USP2: variants seen among roughly 807,000 people sequenced by gnomAD.
The protein encoded by USP2 is ubiquitin carboxyl-terminal hydrolase 2.
USP2 carries 33 observed loss-of-function variants against 72.0 expected under a neutral mutation model. The observed-to-expected ratio is 0.46, with a 90% CI of 0.35 to 0.61. The LOEUF is 0.61. USP2 is among the 20% of genes least tolerant of loss of function. The pLI is 0.01. For missense variants in USP2, 691 were observed against 797.8 expected (o/e 0.87, Z 1.61); for synonymous variants, 296 against 312.5 (o/e 0.95, Z 0.56).
chr11:119,364,430 A>C (rs1232353996), intron 2 of USP2, among the ~76,000 whole-genome samples: 1 of 151,976 alleles, frequency 6.6e-6, no homozygotes, highest in African/African-American at 2.4e-5. Context: ...GCAGGACCGG[A>C]GCCCTGAGGC....
At position 119,357,525 on chromosome 11, in the gene USP2, G is replaced by C. The variant is rs1950687718; in HGVS notation, c.1567C>G (p.Leu523Val). ...SKLTTFVNFP[L>V]RDLDLREFAS... Reference sequence around the variant, plus strand: ...AATTCTCTTAAGTCCAGGTCTCTTAGGGGGAAGTTCACAAATGTTGTGAGC... The same window carrying C: ...AATTCTCTTAAGTCCAGGTCTCTTACGGGGAAGTTCACAAATGTTGTGAGC... The change falls in exon 11 of 13, where the codon CTA becomes GTA. Residue 523 changes from leucine to valine, a missense_variant. Transcript: ENST00000260187. The C allele has an allele frequency of 3.1e-6, 5 of 1,614,036 alleles. No homozygotes were observed. The South Asian group carries it at 4.4e-5, about 14-fold the overall frequency.
At chr11:119,379,987 T>A (rs1183688989) in intron 1 of USP2, among the ~76,000 whole-genome samples, 2 of 142,532 alleles carry the variant, frequency 1.4e-5, no homozygotes, top group Non-Finnish European at 3.0e-5. Context: ...CGATCTTGGC[T>A]CACTGCAAGC....
intron 2 of USP2, among the ~76,000 whole-genome samples, chr11:119,362,191 G>A (rs1486124099): frequency 1.3e-5 from 2 of 152,174 alleles, no homozygotes; most frequent in African/African-American, 4.8e-5. Flanking sequence ...GTCACTCAGT[G>A]CTAATGGGGG....
chr11:119,373,733 T>A (rs1317376269), intron 1 of USP2, among the ~76,000 whole-genome samples: 1 of 152,096 alleles, frequency 6.6e-6, no homozygotes, highest in Non-Finnish European at 1.5e-5. Context: ...GTGCGAGGGA[T>A]GAGGTGGCTT....
intron 12 of USP2, 119 bp from the exon 13 acceptor site, chr11:119,357,041 C>T (rs886345005): frequency 2.2e-6 from 3 of 1,376,644 alleles, no homozygotes; most frequent in South Asian, 1.3e-5. Flanking sequence ...CCACGGGCAG[C>T]GGCTTCGTGG....
chr11:119,356,945 G>T, intron 12 of USP2, 23 bp from the exon 13 acceptor site: 2 of 1,550,298 alleles, frequency 1.3e-6, no homozygotes, highest in Non-Finnish European at 1.7e-6. Flanking sequence ...CGGGGAGTCA[G>T]CCCGGAGCGG....
intron 2 of USP2, among the ~76,000 whole-genome samples, chr11:119,364,582 A>AAACC (rs1404523440): frequency 6.6e-6 from 1 of 152,218 alleles, no homozygotes; most frequent in Non-Finnish European, 1.5e-5. Context: ...AGGGGGCTGC[A>AAACC]AACCATTTTG....
chr11:119,357,692 A>T, intron 10 of USP2, 65 bp downstream of exon 10: 1 of 1,613,400 alleles, frequency 6.2e-7, no homozygotes, highest in Non-Finnish European at 8.5e-7. Context: ...CCCCTCACCT[A>T]TGGGCCCCTT....
chr11:119,359,480 A>C, intron 4 of USP2, 57 bp downstream of exon 4: 4 of 1,609,504 alleles, frequency 2.5e-6, no homozygotes, highest in Non-Finnish European at 3.4e-6. Context: ...GAACAGCCCC[A>C]GTGGAGTGGA....
At position 119,373,202 on chromosome 11, in the gene USP2, C is replaced by G. The variant is rs79464246; in HGVS notation, c.279G>C (p.Glu93Asp). Residue 93 changes from glutamate to aspartate, a missense_variant, in exon 2 of 13, where the codon GAG becomes GAC. By Grantham distance (45) the Glu-to-Asp change is conservative (BLOSUM62 2). Coordinates refer to ENST00000260187, the MANE Select transcript of USP2 (RefSeq NM_004205.5). ...GCCGCTCAGTACCCCGGGTCTGGCT[C>G]TCTGCCCGCTTACCACCCCCAGTGA... Reference protein sequence around the residue: ...PDITGGGKRAESQTRGTERPL... With the variant: ...PDITGGGKRADSQTRGTERPL... The G allele has an allele frequency of 1.9e-6, 3 of 1,614,008 alleles. No individual in the cohort carries two copies. Among genetic ancestry groups the G allele is most frequent in the South Asian group, 2.2e-5 (2 of 91,024 alleles).
At chr11:119,367,745 G>GTA (rs1565309611) in intron 2 of USP2, among the ~76,000 whole-genome samples, 176 of 152,140 alleles carry the variant, frequency 1.2e-3, no homozygotes, top group African/African-American at 4.1e-3. Flanking sequence ...TCTTTTGCAT[G>GTA]TGTCTCCGTC....
intron 1 of USP2, among the ~76,000 whole-genome samples, chr11:119,374,223 C>CT (rs1446480570): frequency 6.6e-6 from 1 of 152,248 alleles, no homozygotes; most frequent in African/African-American, 2.4e-5. Context: ...AGCTAAGCTT[C>CT]TGTTCTAAGT....
At chr11:119,370,021 C>T (rs763891981) in intron 2 of USP2, among the ~76,000 whole-genome samples, 2 of 152,118 alleles carry the variant, frequency 1.3e-5, no homozygotes, top group Non-Finnish European at 2.9e-5. Flanking sequence ...ACTAAAAATA[C>T]AAAATTAGCC....
chr11:119,372,755 AC>A lies in USP2; in HGVS notation c.725del (p.Gly242ValfsTer17). On this transcript the variant is annotated frameshift_variant, in exon 2 of 13. Coordinates refer to ENST00000260187, the MANE Select transcript of USP2 (RefSeq NM_004205.5). LOFTEE classifies it high-confidence loss of function. ...GRYTLWETGK[G>X]QAPGPSRSSS... ...TGGAGCGGCTGGGCCCAGGGGCCTG[AC>A]CCTTTCCCGTCTCCCACAGCGTGTA... 6.4e-7 allele frequency: 1 copy of A among 1,552,968 alleles called. No individual in the cohort carries two copies. Among genetic ancestry groups the A allele is most frequent in the Non-Finnish European group, 8.7e-7 (1 of 1,153,524 alleles).
At position 119,358,764 on chromosome 11, in the gene USP2, T is replaced by A. The variant is rs1179224882; in HGVS notation, c.1237+9A>T. 1.9e-6 allele frequency: 3 copies of A among 1,614,032 alleles called. No homozygotes were observed. Among genetic ancestry groups the A allele is most frequent in the African/African-American group, 2.7e-5 (2 of 74,940 alleles). ...GTGAAAACAGGCATCTTCCCTTTCA[T>A]GCGCTTACCCCCGATCCTACTGTCT... On this transcript the variant is annotated intron_variant, in intron 7 of 12. Transcript: ENST00000260187.
intron 2 of USP2, among the ~76,000 whole-genome samples, chr11:119,368,771 C>G (rs1185838724): frequency 6.6e-6 from 1 of 152,238 alleles, no homozygotes; most frequent in African/African-American, 2.4e-5. Flanking sequence ...AGCTTGCTGA[C>G]TGTGCTCTGG....
Position 119,357,828 on chromosome 11 carries a change from C to A in USP2, c.1430G>T (p.Cys477Phe), listed in dbSNP as rs1377929221. ...VLDGDEKPTC[C>F]RCRGRKRCIK... ...ACACCGTTTTCTGCCTCGGCAGCGA[C>A]AGCATGTCTGAGAGACAAGACAAAC... Residue 477 changes from cysteine to phenylalanine, a missense_variant, in exon 10 of 13, where the codon TGT becomes TTT. Transcript: ENST00000260187. 6.2e-7 allele frequency: 1 copy of A among 1,613,142 alleles called. No individual in the cohort carries two copies. Among genetic ancestry groups the A allele is most frequent in the South Asian group, 1.1e-5 (1 of 91,062 alleles).
chr11:119,366,914 A>C (rs1950860757), intron 2 of USP2, among the ~76,000 whole-genome samples: 1 of 152,168 alleles, frequency 6.6e-6, no homozygotes, highest in Admixed American at 6.5e-5. Flanking sequence ...AGGGGTTGCC[A>C]GGAGCAGGGA....
At position 119,356,061 on chromosome 11, in the gene USP2, A is replaced by AAAAC. The variant is rs1555039752; in HGVS notation, c.*773_*774insGTTT. The AAAAC allele has an allele frequency of 6.6e-6, 1 of 150,972 alleles. No homozygotes were observed. Among genetic ancestry groups the AAAAC allele is most frequent in the African/African-American group, 2.4e-5 (1 of 41,066 alleles). 9.4% of individuals were successfully genotyped at this position (150,972 alleles called of 1,614,324 possible). ...ATTCAAAACATTAAAAAAAAAAAAAAAAAACCCAAACCCCCAAAACAGAAA... is the reference window on the plus strand; with the variant it reads ...ATTCAAAACATTAAAAAAAAAAAAAAAAACAAAACCCAAACCCCCAAAACAGAAA... On this transcript the variant is annotated 3_prime_UTR_variant, in exon 13 of 13. Transcript: ENST00000260187.
Sources: allele counts gnomAD v4.1 joint callset (sites outside exome capture counted in the v4.1 genomes callset), GRCh38; gene constraint gnomAD v4.1.1; transcripts MANE v1.5; gene names NCBI Gene and HGNC (gene_info 2026-07-23, HGNC 2026-07-21).